Variants in ABCB10 observed in about 807,000 individuals in gnomAD.
The protein encoded by ABCB10 is ATP-binding cassette sub-family B member 10, mitochondrial.
Under a neutral mutation model 65.4 loss-of-function variants are expected in ABCB10, and 54 were observed. That is an observed-to-expected ratio of 0.83 (90% CI 0.66 to 1.04). The LOEUF (loss-of-function observed/expected upper bound fraction) is 1.04, where lower values mean the gene tolerates loss of function less well. Ranked by LOEUF, ABCB10 falls within the 50% of genes least tolerant of loss-of-function variation. The pLI is 0.00. For missense variants in ABCB10, 846 were observed against 976.6 expected (o/e 0.87, Z 1.78); for synonymous variants, 418 against 406.5 (o/e 1.03, Z -0.34).
At chr1:229,523,005 T>C (rs1238410368) in intron 10 of ABCB10, among the ~76,000 whole-genome samples, 1 of 152,194 alleles carries the variant, frequency 6.6e-6, no homozygotes, top group Non-Finnish European at 1.5e-5. Context: ...AGTGCCACCA[T>C]GCCCGGCTAA....
Position 229,525,976 on chromosome 1 carries a change from C to A in ABCB10, c.1866G>T (p.Gly622=), listed in dbSNP as rs1444575985. ...CCTTTTCTCCAACCACAGTGTTGAA[C>A]CCTTGGGGGAAATTCCGGATGAAGG... ...AVAFIRNFPQ[G]FNTVVGEKGV... Residue 622 remains glycine, a synonymous_variant, in exon 10 of 13, where the codon GGG becomes GGT. Coordinates refer to ENST00000344517, the MANE Select transcript of ABCB10 (RefSeq NM_012089.3). 1 of 1,614,062 alleles carries A rather than the reference C, an allele frequency of 6.2e-7. No individual in the cohort carries two copies. The highest frequency in any genetic ancestry group is 1.7e-5 in the Admixed American group (1 of 60,004).
At chr1:229,546,658 G>A (rs1662973944) in intron 3 of ABCB10, among the ~76,000 whole-genome samples, 1 of 151,938 alleles carries the variant, frequency 6.6e-6, no homozygotes, top group Non-Finnish European at 1.5e-5. Context: ...ATCACTTGAG[G>A]CCAAGAGTTT....
rs1241554045 is a variant in ABCB10 at position 229,517,411 on chromosome 1, A to G, written c.*768T>C. The G allele has an allele frequency of 6.6e-6, 1 of 152,264 alleles. No homozygotes were observed. The highest frequency in any genetic ancestry group is 1.9e-4 in the East Asian group (1 of 5,208). The allele number at this position is 152,264 out of a possible 1,614,324, so 9.4% of individuals were successfully genotyped here. On this transcript the variant is annotated 3_prime_UTR_variant, in exon 13 of 13. Coordinates refer to ENST00000344517, the MANE Select transcript of ABCB10 (RefSeq NM_012089.3). ...TTAAATGCAAAAATCATTCATTCTT[A>G]ATAATACCTAGCAGTTCATGCCTTG...
chr1:229,537,281 G>T (rs1194747612), intron 6 of ABCB10, among the ~76,000 whole-genome samples: 1 of 152,212 alleles, frequency 6.6e-6, no homozygotes, highest in Non-Finnish European at 1.5e-5. Flanking sequence ...CTTGAAAATG[G>T]TTAGGTTTTG....
intron 3 of ABCB10, among the ~76,000 whole-genome samples, chr1:229,547,090 G>A (rs1020604543): frequency 6.6e-6 from 1 of 152,114 alleles, no homozygotes; most frequent in East Asian, 1.9e-4. Flanking sequence ...AGGAAAAAAG[G>A]CCATGGGAGT....
chr1:229,529,293 CTCAAA>C (rs1662518593), intron 8 of ABCB10, among the ~76,000 whole-genome samples: 1 of 23,468 alleles, frequency 4.3e-5, no homozygotes, highest in Non-Finnish European at 7.0e-5. Context: ...AAGACTCCGT[CTCAAA>C]AAAAAAAAAA....
intron 3 of ABCB10, among the ~76,000 whole-genome samples, chr1:229,543,453 G>A (rs1246461926): frequency 6.6e-6 from 1 of 152,162 alleles, no homozygotes. Context: ...AGTATAATCA[G>A]TACACGGCTA....
At position 229,520,907 on chromosome 1, in the gene ABCB10, G is replaced by A. The variant is rs994633771; in HGVS notation, c.1950+685C>T. Among the ~76,000 whole-genome samples, 6 of 152,324 alleles carry A rather than the reference G, an allele frequency of 3.9e-5. No individual in the cohort carries two copies. The South Asian group carries it at 1.2e-3, about 32-fold the overall frequency. ...CATCCTGGGGCCGGAAACAAGGAACGACTGACTGCAAGTGGGCACAAGAGA... is the reference window on the plus strand; with the variant it reads ...CATCCTGGGGCCGGAAACAAGGAACAACTGACTGCAAGTGGGCACAAGAGA... On this transcript the variant is annotated intron_variant, in intron 11 of 12. Coordinates refer to ENST00000344517, the MANE Select transcript of ABCB10 (RefSeq NM_012089.3).
intron 3 of ABCB10, among the ~76,000 whole-genome samples, chr1:229,543,214 T>C (rs1315534016): frequency 6.6e-6 from 1 of 151,820 alleles, no homozygotes; most frequent in African/African-American, 2.4e-5. Context: ...GAAGAAGAAT[T>C]AGAGCTGCTT....
intron 1 of ABCB10, among the ~76,000 whole-genome samples, chr1:229,552,723 A>G (rs1334474040): frequency 6.6e-6 from 1 of 152,188 alleles, no homozygotes; most frequent in African/African-American, 2.4e-5. Context: ...AGCACTTCAG[A>G]GTCCTCACCA....
chr1:229,536,825 G>A (rs1053642239), intron 6 of ABCB10, among the ~76,000 whole-genome samples: 21 of 150,612 alleles, frequency 1.4e-4, no homozygotes, highest in Admixed American at 7.9e-4. Context: ...GCATGGTGGC[G>A]CATGCCTGTA....
rs35004821 is a variant in ABCB10 at position 229,544,416 on chromosome 1, CAAAAAAAAAA to C, written c.922-2055_922-2046del. Among the ~76,000 whole-genome samples the C allele has an allele frequency of 4.2e-3, 258 of 61,032 alleles. 3 individuals carry two copies. The highest frequency in any genetic ancestry group is 0.014 in the South Asian group (18 of 1,330). The allele number at this position is 61,032 out of a possible 152,430, so 40.0% of individuals were successfully genotyped here. On this transcript the variant is annotated intron_variant, in intron 3 of 12. Coordinates refer to ENST00000344517, the MANE Select transcript of ABCB10 (RefSeq NM_012089.3). ...TAGGCAACAGGGTGAGACCTTCTCT[CAAAAAAAAAA>C]AAAAAAAAAAAAAAAGGAATAGCAG...
Position 229,542,325 on chromosome 1 carries a change from GGCACCAC to G in ABCB10, c.961_967del (p.Val321LeufsTer8), listed in dbSNP as rs1662871293. 6.2e-7 allele frequency: 1 copy of G among 1,613,884 alleles called. No individual in the cohort carries two copies. The highest frequency in any genetic ancestry group is 1.1e-5 in the South Asian group (1 of 91,068). On this transcript the variant is annotated frameshift_variant, in exon 4 of 13. Transcript: ENST00000344517. LOFTEE classifies it high-confidence loss of function. ...AATTACAGCAATGATTGACACTGGAGGCACCACGCTCAAAACAAAGGTGGCCAGATTA... is the reference window on the plus strand; with the variant it reads ...AATTACAGCAATGATTGACACTGGAGGCTCAAAACAAAGGTGGCCAGATTA...
At chr1:229,525,344 TTTG>T (rs370441280) in intron 10 of ABCB10, among the ~76,000 whole-genome samples, 43 of 151,862 alleles carry the variant, frequency 2.8e-4, no homozygotes, top group East Asian at 2.5e-3. Flanking sequence ...GCAAAGCACA[TTTG>T]TTGTTGTTGT....
intron 6 of ABCB10, among the ~76,000 whole-genome samples, chr1:229,534,036 T>C (rs560686265): frequency 2.6e-4 from 39 of 152,150 alleles, no homozygotes; most frequent in Non-Finnish European, 4.9e-4. Flanking sequence ...CAATAAAGGA[T>C]TGCTACCCAA....
rs953860767 is a variant in ABCB10 at position 229,558,391 on chromosome 1, GCGCGAGGCCCAGGACGCCC to G, written c.243_261del (p.Val83SerfsTer123). ...CCGCGAGCCCACAGCCCCAGGAGCC[GCGCGAGGCCCAGGACGCCC>G]CGCGAGGCGCCCGGACCCCCGCCCC... On this transcript the variant is annotated frameshift_variant, in exon 1 of 13. Transcript: ENST00000344517. LOFTEE classifies it high-confidence loss of function. 3.2e-6 allele frequency: 4 copies of G among 1,237,380 alleles called. No individual in the cohort carries two copies. The highest frequency in any genetic ancestry group is 4.3e-5 in the East Asian group (1 of 23,142). The allele number at this position is 1,237,380 out of a possible 1,614,324, so 76.7% of individuals were successfully genotyped here. A position where few individuals can be genotyped will look rare whatever the true frequency, so the allele number is the denominator to read the frequency against.
intron 3 of ABCB10, among the ~76,000 whole-genome samples, chr1:229,542,816 A>C (rs961330282): frequency 6.6e-6 from 1 of 151,960 alleles, no homozygotes; most frequent in Non-Finnish European, 1.5e-5. Context: ...AAAATGACCA[A>C]GATGGTGAAG....
At chr1:229,546,138 C>T (rs893255263) in intron 3 of ABCB10, among the ~76,000 whole-genome samples, 1 of 147,410 alleles carries the variant, frequency 6.8e-6, no homozygotes. Context: ...TGCCATTGCA[C>T]TTCAGCCCGG....
At chr1:229,556,494 T>C (rs1468451548) in intron 1 of ABCB10, among the ~76,000 whole-genome samples, 1 of 151,738 alleles carries the variant, frequency 6.6e-6, no homozygotes, top group East Asian at 1.9e-4. Context: ...AGCAACACAG[T>C]GAGACCCCTA....
Sources: allele counts gnomAD v4.1 joint callset (sites outside exome capture counted in the v4.1 genomes callset), GRCh38; gene constraint gnomAD v4.1.1; transcripts MANE v1.5; gene names NCBI Gene and HGNC (gene_info 2026-07-23, HGNC 2026-07-21).